Variants in CCDC47 observed in about 807,000 individuals in gnomAD.
CCDC47 encodes coiled-coil domain containing 47.
Under a neutral mutation model 60.5 loss-of-function variants are expected in CCDC47, and 41 were observed. The observed-to-expected ratio is 0.68, with a 90% CI of 0.53 to 0.88. The LOEUF is 0.88. CCDC47 is among the 40% of genes least tolerant of loss of function. The probability of loss-of-function intolerance (pLI) is 0.00; values close to 1 mark genes in which losing one functional copy is unlikely to be tolerated. For missense variants in CCDC47, 513 were observed against 580.9 expected (o/e 0.88, Z 1.20); for synonymous variants, 195 against 190.7 (o/e 1.02, Z -0.18).
At chr17:63,760,272 A>G (rs2039247780) in intron 6 of CCDC47, among the ~76,000 whole-genome samples, 1 of 151,598 alleles carries the variant, frequency 6.6e-6, no homozygotes, top group South Asian at 2.1e-4. Context: ...TGCCAAAGAT[A>G]AAAACATATA....
intron 3 of CCDC47, 89 bp downstream of exon 3, chr17:63,764,651 C>A: frequency 8.8e-7 from 1 of 1,138,084 alleles, no homozygotes; most frequent in South Asian, 1.5e-5. Flanking sequence ...ATTGCATTAA[C>A]ACCAGCTATA....
In CCDC47 at chr17:63,752,726, A is replaced by T; in HGVS notation, c.1093+15T>A. The stretch of plus-strand genomic sequence containing the variant: ...AGAGAAGACTAAGAACCCAGAAAGG[A>T]CCCAGAATACTTACCATTAAATGTA... On this transcript the variant is annotated intron_variant, in intron 10 of 12. Transcript: ENST00000225726. The T allele has an allele frequency of 6.2e-7, 1 of 1,607,266 alleles. No individual in the cohort carries two copies. The highest frequency in any genetic ancestry group is 8.5e-7 in the Non-Finnish European group (1 of 1,177,676).
At chr17:63,747,551 G>T (rs1257143384) in intron 12 of CCDC47, 5 of 984,102 alleles carry the variant, frequency 5.1e-6, no homozygotes, top group African/African-American at 1.7e-5. Context: ...GAGTAAGAAG[G>T]TTCAGGTTAT....
rs976393994 is a variant in CCDC47 at position 63,751,983 on chromosome 17, C to T, written c.1328G>A (p.Arg443Gln). Residue 443 changes from arginine to glutamine, a missense_variant, in exon 12 of 13, where the codon CGA becomes CAA. By Grantham distance (43) the Arg-to-Gln change is conservative. Coordinates refer to ENST00000225726, the MANE Select transcript of CCDC47 (RefSeq NM_020198.3). ...CTCAGGATCTTCCTCATTCATGATT[C>T]GCTCCTTCTCTGCTCTTTTTTTCTC... ...REEKKRAEKE[R>Q]IMNEEDPEKQ... 5 of 1,613,490 alleles carry T rather than the reference C, an allele frequency of 3.1e-6. No individual in the cohort carries two copies. The highest frequency in any genetic ancestry group is 2.2e-5 in the East Asian group (1 of 44,896).
intron 1 of CCDC47, among the ~76,000 whole-genome samples, chr17:63,771,219 G>A (rs2039339132): frequency 6.6e-6 from 1 of 151,304 alleles, no homozygotes; most frequent in South Asian, 2.1e-4. Context: ...TTGGAGGCAA[G>A]AACAGTTAAA....
chr17:63,754,630 G>T, intron 8 of CCDC47, 112 bp from the exon 9 acceptor site: 1 of 630,702 alleles, frequency 1.6e-6, no homozygotes, highest in Non-Finnish European at 2.7e-6. Flanking sequence ...AGTAATCCCC[G>T]CACTTTGGGA....
intron 12 of CCDC47, among the ~76,000 whole-genome samples, chr17:63,749,484 T>TGGCTCAC (rs1454887710): frequency 6.8e-6 from 1 of 146,880 alleles, no homozygotes; most frequent in Non-Finnish European, 1.5e-5. Flanking sequence ...CCTGGCACGG[T>TGGCTCAC]GGCTCACGCC....
At chr17:63,771,681 T>C (rs921094561) in intron 1 of CCDC47, among the ~76,000 whole-genome samples, 1 of 152,224 alleles carries the variant, frequency 6.6e-6, no homozygotes, top group Admixed American at 6.5e-5. Context: ...GTTTCTCTTC[T>C]AGTTTTTCTA....
At position 63,752,016 on chromosome 17, in the gene CCDC47, C is replaced by CGAGACTG; in HGVS notation, c.1288_1294dup (p.Arg432ProfsTer18). On this transcript the variant is annotated frameshift_variant, in exon 12 of 13. Coordinates refer to ENST00000225726, the MANE Select transcript of CCDC47 (RefSeq NM_020198.3). LOFTEE classifies it high-confidence loss of function. ...CTCTGCTCTTTTTTTCTCCTCCCGC[C>CGAGACTG]GAGACTGTGCTGCTTCCTGTCTTTG... 6.2e-7 allele frequency: 1 copy of CGAGACTG among 1,613,650 alleles called. No homozygotes were observed. Among genetic ancestry groups the CGAGACTG allele is most frequent in the Non-Finnish European group, 8.5e-7 (1 of 1,179,984 alleles).
At chr17:63,754,575 T>C (rs1250647452) in intron 8 of CCDC47, 57 bp from the exon 9 acceptor site, 2 of 1,128,696 alleles carry the variant, frequency 1.8e-6, no homozygotes, top group African/African-American at 3.1e-5. Context: ...TTCCCTTTTT[T>C]TCCTAAAGAT....
intron 2 of CCDC47, 170 bp from the exon 3 acceptor site, chr17:63,765,017 T>C (rs1477031149): frequency 7.2e-6 from 7 of 978,690 alleles, no homozygotes; most frequent in Non-Finnish European, 8.5e-6. Flanking sequence ...CAGCTTAAAA[T>C]GAGAAAGTTC....
At chr17:63,765,841 G>A (rs1370577139) in intron 2 of CCDC47, 71 bp downstream of exon 2, 2 of 1,482,152 alleles carry the variant, frequency 1.3e-6, no homozygotes, top group African/African-American at 2.8e-5. Flanking sequence ...TTGAGCCTGA[G>A]GATTAATTTT....
chr17:63,754,326 C>A, intron 9 of CCDC47, 107 bp downstream of exon 9: 1 of 706,444 alleles, frequency 1.4e-6, no homozygotes, highest in Non-Finnish European at 2.5e-6. Context: ...CTGTCACCAA[C>A]TTCCTTCACA....
chr17:63,753,272 T>C (rs1432436803), intron 9 of CCDC47: 1 of 885,984 alleles, frequency 1.1e-6, no homozygotes, highest in African/African-American at 1.8e-5. Context: ...AGTTCTGTCA[T>C]TGAAGATTCC....
rs777805267 is a variant in CCDC47 at position 63,764,768 on chromosome 17, T to C, written c.344A>G (p.Lys115Arg). 3 of 1,613,420 alleles carry C rather than the reference T, an allele frequency of 1.9e-6. No homozygotes were observed. The highest frequency in any genetic ancestry group is 2.5e-6 in the Non-Finnish European group (3 of 1,179,940). ...AACAATCGTTATTGGGTCTTTATTT[T>C]TGCTAGAAGAAGTATCTGGTTTGTC... Reference protein sequence around the residue: ...YEDKPDTSSSKNKDPITIVDV... With the variant: ...YEDKPDTSSSRNKDPITIVDV... The change falls in exon 3 of 13, where the codon AAA becomes AGA. Residue 115 changes from lysine to arginine, a missense_variant. Coordinates refer to ENST00000225726, the MANE Select transcript of CCDC47 (RefSeq NM_020198.3).
At chr17:63,771,743 T>C (rs2039343291) in intron 1 of CCDC47, among the ~76,000 whole-genome samples, 2 of 152,164 alleles carry the variant, frequency 1.3e-5, no homozygotes, top group African/African-American at 4.8e-5. Context: ...GTGGAAGAAA[T>C]ATAGAAAACA....
intron 12 of CCDC47, chr17:63,747,701 G>A (rs933000230): frequency 2.0e-4 from 201 of 985,106 alleles, no homozygotes; most frequent in Non-Finnish European, 2.3e-4. Context: ...GGGTAAAAAT[G>A]TGCTCAGAAA....
intron 4 of CCDC47, 27 bp from the exon 5 acceptor site, chr17:63,761,378 T>G (rs2039258930): frequency 6.2e-7 from 1 of 1,612,948 alleles, no homozygotes; most frequent in South Asian, 1.1e-5. Context: ...TTAATGTGAC[T>G]CAACAGAAAA....
At chr17:63,751,297 C>T (rs536684920) in intron 12 of CCDC47, among the ~76,000 whole-genome samples, 106 of 135,274 alleles carry the variant, frequency 7.8e-4, no homozygotes, top group Non-Finnish European at 9.0e-4. Context: ...ACCCGGGAGG[C>T]GGAGACTGCA....
Sources: allele counts gnomAD v4.1 joint callset (sites outside exome capture counted in the v4.1 genomes callset), GRCh38; gene constraint gnomAD v4.1.1; transcripts MANE v1.5; gene names NCBI Gene and HGNC (gene_info 2026-07-23, HGNC 2026-07-21).